The following SCOC variants were observed in gnomAD, a reference collection of about 807,000 sequenced individuals.
SCOC encodes the protein short coiled-coil protein, also known as short coiled coil protein.
Under a neutral mutation model 9.9 loss-of-function variants are expected in SCOC, and 7 were observed. That is an observed-to-expected ratio of 0.71 (90% confidence interval 0.40 to 1.33). SCOC has a LOEUF of 1.33. Ranked by LOEUF, SCOC falls within the 40% of genes most tolerant of loss-of-function variation. SCOC has a pLI of 0.01. For missense variants in SCOC, 66 were observed against 89.7 expected, an observed-to-expected ratio of 0.74 and a Z score of 1.07; for synonymous variants, 19 against 28.2, an observed-to-expected ratio of 0.67 and a Z score of 1.03.
intron 1 of SCOC, chr4:140,374,352 C>T (rs904725558): frequency 2.9e-6 from 1 of 348,382 alleles, no homozygotes; most frequent in African/African-American, 2.2e-5. Context: ...CAACCTCACA[C>T]TATTACGCAA....
At chr4:140,320,972 C>T (rs1325279866) in intron 1 of SCOC, among the ~76,000 whole-genome samples, 3 of 152,126 alleles carry the variant, frequency 2.0e-5, no homozygotes, top group Non-Finnish European at 4.4e-5. Flanking sequence ...CCTCTCTCTG[C>T]CACCATGCTA....
At chr4:140,323,030 A>C (rs1244717343) in intron 1 of SCOC, among the ~76,000 whole-genome samples, 1 of 152,200 alleles carries the variant, frequency 6.6e-6, no homozygotes, top group Non-Finnish European at 1.5e-5. Flanking sequence ...AACAATACAT[A>C]AAATCAATGA....
chr4:140,288,076 AT>A (rs1470591634), intron 1 of SCOC, among the ~76,000 whole-genome samples: 1 of 152,030 alleles, frequency 6.6e-6, no homozygotes, highest in Admixed American at 6.5e-5. Context: ...ATACATATCT[AT>A]ATTTATCACA....
At chr4:140,326,754 G>T (rs934572009) in intron 1 of SCOC, among the ~76,000 whole-genome samples, 2 of 152,094 alleles carry the variant, frequency 1.3e-5, no homozygotes, top group African/African-American at 4.8e-5. Context: ...ATATATAAAT[G>T]CTTGTGTTTA....
rs527356557 is a variant in SCOC at position 140,301,966 on chromosome 4, T to C, written c.-18-41655T>C. On this transcript the variant is annotated intron_variant, in intron 1 of 4. Transcript: ENST00000394205. ...CCCATCTTAGCCTCCCAAAAGTAGC[T>C]GGGACCACAGGCGCATGCCACCACA... Among the ~76,000 whole-genome samples the C allele has an allele frequency of 1.1e-4, 16 of 152,226 alleles. No individual in the cohort carries two copies. In the South Asian group the frequency reaches 3.3e-3, roughly 32 times the overall value.
chr4:140,259,741 C>A (rs1341647724), intron 1 of SCOC, among the ~76,000 whole-genome samples: 2 of 152,120 alleles, frequency 1.3e-5, no homozygotes, highest in African/African-American at 2.4e-5. Flanking sequence ...ATAATGTTTT[C>A]TCAAAACTTA....
At chr4:140,297,742 G>C in intron 1 of SCOC, among the ~76,000 whole-genome samples, 1 of 152,174 alleles carries the variant, frequency 6.6e-6, no homozygotes, top group East Asian at 1.9e-4. Flanking sequence ...AAAACAATAT[G>C]ATGGTGAAAA....
At chr4:140,374,241 T>C (rs745351303) in intron 1 of SCOC, 2 of 449,852 alleles carry the variant, frequency 4.4e-6, no homozygotes, top group Non-Finnish European at 8.9e-6. Context: ...CCTGATCGTC[T>C]TCTCCCCCAG....
intron 1 of SCOC, among the ~76,000 whole-genome samples, chr4:140,337,980 G>A (rs1437204205): frequency 6.6e-6 from 1 of 152,088 alleles, no homozygotes; most frequent in Non-Finnish European, 1.5e-5. Context: ...CCAAAGCCTG[G>A]CAGAGACACA....
intron 1 of SCOC, among the ~76,000 whole-genome samples, chr4:140,297,276 G>T (rs1001254032): frequency 6.6e-6 from 1 of 151,814 alleles, no homozygotes; most frequent in African/African-American, 2.4e-5. Flanking sequence ...CTGTGGGGGG[G>T]GGGGCACTGT....
chr4:140,289,633 G>T (rs146821799), intron 1 of SCOC, among the ~76,000 whole-genome samples: 347 of 152,322 alleles, frequency 2.3e-3, no homozygotes, highest in Non-Finnish European at 3.9e-3. Context: ...GGGACCCAGT[G>T]TAAGTGACTT....
At chr4:140,339,910 A>G (rs1208273271), upstream of SCOC, among the ~76,000 whole-genome samples, 3 of 152,370 alleles carry the variant, frequency 2.0e-5, no homozygotes, top group South Asian at 4.1e-4. Context: ...TCAGGGATCT[A>G]GAACTAGAAA....
chr4:140,320,486 C>A (rs1041757157), intron 1 of SCOC, among the ~76,000 whole-genome samples: 1 of 152,162 alleles, frequency 6.6e-6, no homozygotes, highest in African/African-American at 2.4e-5. Flanking sequence ...GATCCAAGAA[C>A]CCTTTCTCAG....
chr4:140,380,194 C>CTTTTTTTTTTTTTTTTTT (rs993271002), intron 3 of SCOC, among the ~76,000 whole-genome samples: 4 of 108,414 alleles, frequency 3.7e-5, no homozygotes, highest in African/African-American at 7.2e-5. Flanking sequence ...TTTTCTTTTT[C>CTTTTTTTTTTTTTTTTTT]TTTTTTTTTT....
At chr4:140,351,703 C>T (rs1009938632) in intron 2 of SCOC, among the ~76,000 whole-genome samples, 1 of 151,840 alleles carries the variant, frequency 6.6e-6, no homozygotes, top group African/African-American at 2.4e-5. Context: ...TTTCAGAAGG[C>T]CATCTGCCGT....
rs113009844 is a variant in SCOC at position 140,323,458 on chromosome 4, T to C, written c.-18-20163T>C. Reference sequence around the variant, plus strand: ...TCAAATGGACTAATACACTGATTCTTAGATAAAGTCATAAATTTGATAAGT... The same window carrying C: ...TCAAATGGACTAATACACTGATTCTCAGATAAAGTCATAAATTTGATAAGT... On this transcript the variant is annotated intron_variant, in intron 1 of 4. Transcript: ENST00000394205. Among the ~76,000 whole-genome samples the C allele has an allele frequency of 2.2e-3, 329 of 152,306 alleles. 1 individual carries two copies. The highest frequency in any genetic ancestry group is 7.5e-3 in the African/African-American group (310 of 41,566).
At chr4:140,314,787 C>T (rs1732263329) in intron 1 of SCOC, among the ~76,000 whole-genome samples, 1 of 152,086 alleles carries the variant, frequency 6.6e-6, no homozygotes, top group Non-Finnish European at 1.5e-5. Context: ...AGAAGTTGGC[C>T]TCAGAAGGCA....
Position 140,381,778 on chromosome 4 carries a change from A to G in SCOC, c.*674A>G, listed in dbSNP as rs941924345. 2 of 152,194 alleles carry G rather than the reference A, an allele frequency of 1.3e-5. No homozygotes were observed. The highest frequency in any genetic ancestry group is 1.3e-4 in the Admixed American group (2 of 15,278). 9.4% of individuals were successfully genotyped at this position (152,194 alleles called of 1,614,324 possible). ...TCTTTGAAACTGAATTAACTTGGGA[A>G]TATTTGTTGTTAAAAACTTCTTTTT... On this transcript the variant is annotated 3_prime_UTR_variant, in exon 4 of 4. Transcript: ENST00000608372.
At chr4:140,359,222 G>C (rs376595395) in intron 2 of SCOC, among the ~76,000 whole-genome samples, 1 of 152,102 alleles carries the variant, frequency 6.6e-6, no homozygotes, top group Admixed American at 6.5e-5. Context: ...TGGGGGCTGC[G>C]GTCATCTGAA....
Sources: allele counts gnomAD v4.1 joint callset (sites outside exome capture counted in the v4.1 genomes callset), GRCh38; gene constraint gnomAD v4.1.1; transcripts MANE v1.5; gene names NCBI Gene and HGNC (gene_info 2026-07-23, HGNC 2026-07-21).